PLPP4: variants seen among roughly 807,000 people sequenced by gnomAD.
PLPP4 encodes the protein phospholipid phosphatase 4.
Under a neutral mutation model 32.2 loss-of-function variants are expected in PLPP4, and 20 were observed. That is an observed-to-expected ratio of 0.62 (90% CI 0.44 to 0.90). The LOEUF is 0.90. PLPP4 is among the 40% of genes least tolerant of loss of function. PLPP4 has a pLI of 0.00. For synonymous variants in PLPP4, 127 were observed against 133.0 expected, an observed-to-expected ratio of 0.95 and a Z score of 0.31; for missense variants, 257 against 353.1, an observed-to-expected ratio of 0.73 and a Z score of 2.18.
chr10:120,463,316 G>A (rs563409752), intron 1 of PLPP4, among the ~76,000 whole-genome samples: 21 of 152,220 alleles, frequency 1.4e-4, no homozygotes, highest in Admixed American at 2.0e-4. Flanking sequence ...GTGAGCCACC[G>A]TGCCCGGCCT....
intron 1 of PLPP4, among the ~76,000 whole-genome samples, chr10:120,498,933 T>C (rs1455158383): frequency 6.6e-6 from 1 of 152,192 alleles, no homozygotes; most frequent in East Asian, 1.9e-4. Flanking sequence ...ATCACTTCTA[T>C]TCTTAATGAA....
chr10:120,558,634 T>C (rs12772937), intron 5 of PLPP4, among the ~76,000 whole-genome samples: 39,043 of 151,776 alleles, frequency 0.26, 5,626 homozygotes, highest in Non-Finnish European at 0.32. Flanking sequence ...CAGGCTGGTC[T>C]CGAAGTCCTC....
Position 120,464,850 on chromosome 10 carries a change from A to G in PLPP4, c.56+7489A>G, listed in dbSNP as rs146829169. Among the ~76,000 whole-genome samples the G allele has an allele frequency of 9.2e-5, 14 of 152,274 alleles. No homozygotes were observed. The East Asian group carries it at 2.3e-3, about 25-fold the overall frequency. ...TCAGCCCATCTGTGCATGCTGTGCA[A>G]TGGGGCCCGAGTGTTTCTTCTCCCC... On this transcript the variant is annotated intron_variant, in intron 1 of 6. Coordinates refer to ENST00000398250, the MANE Select transcript of PLPP4 (RefSeq NM_001030059.3).
intron 6 of PLPP4, among the ~76,000 whole-genome samples, chr10:120,578,020 G>T (rs561552543): frequency 6.6e-6 from 1 of 152,202 alleles, no homozygotes; most frequent in Non-Finnish European, 1.5e-5. Context: ...GACTAGGGAT[G>T]CTACTAAATG....
At chr10:120,555,975 T>C (rs896288214) in intron 5 of PLPP4, among the ~76,000 whole-genome samples, 5 of 152,216 alleles carry the variant, frequency 3.3e-5, no homozygotes, top group African/African-American at 1.2e-4. Context: ...TTTCTCAGAC[T>C]GGTGGCTTGT....
At chr10:120,572,144 G>C (rs540485886) in intron 5 of PLPP4, among the ~76,000 whole-genome samples, 58 of 152,274 alleles carry the variant, frequency 3.8e-4, no homozygotes, top group Middle Eastern at 3.4e-3. Context: ...CATTTTGGAG[G>C]GGTCACAGTG....
intron 5 of PLPP4, among the ~76,000 whole-genome samples, chr10:120,526,338 C>T (rs190391911): frequency 3.7e-4 from 57 of 152,092 alleles, no homozygotes; most frequent in Admixed American, 9.2e-4. Context: ...TATCTGGTAC[C>T]TTTGCTGTGT....
Position 120,539,437 on chromosome 10 carries a change from C to T in PLPP4, c.445+18342C>T, listed in dbSNP as rs140927095. ...AATACATTGCACTGTGCCCAGCACA[C>T]AGTGGGCCCCTTGTAACTGCTGGAT... On this transcript the variant is annotated intron_variant, in intron 5 of 6. Coordinates refer to ENST00000398250, the MANE Select transcript of PLPP4 (RefSeq NM_001030059.3). Among the ~76,000 whole-genome samples the T allele has an allele frequency of 2.4e-3, 371 of 152,280 alleles. 7 individuals carry two copies. Among genetic ancestry groups the T allele is most frequent in the African/African-American group, 8.4e-3 (350 of 41,554 alleles).
chr10:120,553,375 T>C (rs902585202), intron 5 of PLPP4, among the ~76,000 whole-genome samples: 1 of 152,104 alleles, frequency 6.6e-6, no homozygotes, highest in Non-Finnish European at 1.5e-5. Flanking sequence ...TAAAAGAAGC[T>C]CCAGAAAGCT....
At chr10:120,471,927 T>A (rs1848534345) in intron 1 of PLPP4, among the ~76,000 whole-genome samples, 1 of 152,048 alleles carries the variant, frequency 6.6e-6, no homozygotes, top group Non-Finnish European at 1.5e-5. Flanking sequence ...ACAATTATAA[T>A]ATGCACTTTT....
At chr10:120,511,401 A>G (rs780282133) in intron 2 of PLPP4, among the ~76,000 whole-genome samples, 16 of 152,114 alleles carry the variant, frequency 1.1e-4, no homozygotes, top group Admixed American at 2.0e-4. Context: ...CCCAACTCAT[A>G]CTTTTTTCTG....
At chr10:120,528,592 A>T (rs573632435) in intron 5 of PLPP4, among the ~76,000 whole-genome samples, 9 of 152,002 alleles carry the variant, frequency 5.9e-5, no homozygotes, top group African/African-American at 2.2e-4. Context: ...AATTTTTATA[A>T]CCCTACATCT....
At chr10:120,494,132 T>C (rs1388827519) in intron 1 of PLPP4, among the ~76,000 whole-genome samples, 1 of 152,286 alleles carries the variant, frequency 6.6e-6, no homozygotes, top group East Asian at 1.9e-4. Flanking sequence ...GTTAGGACAT[T>C]TGAATGCATT....
intron 5 of PLPP4, among the ~76,000 whole-genome samples, chr10:120,548,103 G>A (rs1247576673): frequency 6.6e-6 from 1 of 151,948 alleles, no homozygotes; most frequent in Non-Finnish European, 1.5e-5. Flanking sequence ...TAGATTTAGG[G>A]GTATATGTGT....
At chr10:120,588,499 A>G (rs1349530045) in intron 6 of PLPP4, among the ~76,000 whole-genome samples, 4 of 152,340 alleles carry the variant, frequency 2.6e-5, no homozygotes, top group Middle Eastern at 3.4e-3. Context: ...TCTGTGACTC[A>G]GAAGGTTCAT....
At chr10:120,523,608 C>G (rs543137066) in intron 5 of PLPP4, among the ~76,000 whole-genome samples, 1 of 152,248 alleles carries the variant, frequency 6.6e-6, no homozygotes, top group South Asian at 2.1e-4. Context: ...TAGGGTCACT[C>G]AAGTTCTCTT....
chr10:120,545,473 C>G (rs1847572573), intron 5 of PLPP4, among the ~76,000 whole-genome samples: 1 of 152,140 alleles, frequency 6.6e-6, no homozygotes, highest in Non-Finnish European at 1.5e-5. Flanking sequence ...CTTTTACCTT[C>G]TCATAGCAGG....
intron 5 of PLPP4, among the ~76,000 whole-genome samples, chr10:120,530,279 T>C (rs182044144): frequency 9.9e-4 from 151 of 152,350 alleles, no homozygotes; most frequent in African/African-American, 3.5e-3. Flanking sequence ...CTTATGTCCA[T>C]GTCCAGTCAA....
chr10:120,589,678 C>A lies in PLPP4; in HGVS notation c.*176C>A. On this transcript the variant is annotated 3_prime_UTR_variant, in exon 7 of 7. Coordinates refer to ENST00000398250, the MANE Select transcript of PLPP4 (RefSeq NM_001030059.3). ...TGCTACTTTAAATGTCTACTTCCAA[C>A]ATCCTTGAATTTGCAAGTGAAGGAC... 3.4e-6 allele frequency: 2 copies of A among 593,108 alleles called. No homozygotes were observed. The highest frequency in any genetic ancestry group is 5.9e-6 in the Non-Finnish European group (2 of 341,824). 36.7% of individuals were successfully genotyped at this position (593,108 alleles called of 1,614,324 possible).
Sources: gnomAD v4.1 joint callset for allele counts (sites outside exome capture counted in the v4.1 genomes callset) on GRCh38, gnomAD v4.1.1 for gene constraint, MANE v1.5 for transcripts, NCBI Gene and HGNC (gene_info 2026-07-23, HGNC 2026-07-21) for gene names.